Variants in KCNK2 observed in about 807,000 individuals in gnomAD.
KCNK2 encodes the protein potassium channel subfamily K member 2.
Under a neutral mutation model 40.5 loss-of-function variants are expected in KCNK2, and 21 were observed. That is an observed-to-expected ratio of 0.52 (90% CI 0.37 to 0.75). KCNK2 has a LOEUF of 0.75. Ranked by LOEUF, KCNK2 falls within the 30% of genes least tolerant of loss-of-function variation. The pLI is 0.00. For missense variants in KCNK2, 399 were observed against 531.6 expected, an observed-to-expected ratio of 0.75 and a Z score of 2.45; for synonymous variants, 191 against 202.2, an observed-to-expected ratio of 0.94 and a Z score of 0.47.
intron 3 of KCNK2, among the ~76,000 whole-genome samples, chr1:215,138,838 C>T (rs1662042756): frequency 6.6e-6 from 1 of 152,154 alleles, no homozygotes; most frequent in East Asian, 1.9e-4. Context: ...TATTTCCTGG[C>T]TGACTTTTAT....
intron 6 of KCNK2, 151 bp downstream of exon 6, chr1:215,195,243 G>A (rs1323785423): frequency 2.0e-5 from 11 of 559,300 alleles, no homozygotes; most frequent in Non-Finnish European, 2.3e-5. Context: ...TAGGCTATGA[G>A]CAAATATATG....
intron 2 of KCNK2, among the ~76,000 whole-genome samples, chr1:215,119,250 T>C (rs1432619275): frequency 6.6e-6 from 1 of 152,214 alleles, no homozygotes; most frequent in Non-Finnish European, 1.5e-5. Flanking sequence ...TAGTCCCATA[T>C]ACTTACAAGT....
chr1:215,040,858 T>C (rs1466739806), intron 1 of KCNK2, among the ~76,000 whole-genome samples: 1 of 152,158 alleles, frequency 6.6e-6, no homozygotes, highest in Non-Finnish European at 1.5e-5. Context: ...CACCACTGTT[T>C]GGGCAACATC....
intron 3 of KCNK2, among the ~76,000 whole-genome samples, chr1:215,134,934 TGAG>T (rs1357085867): frequency 6.6e-6 from 1 of 151,910 alleles, no homozygotes; most frequent in Non-Finnish European, 1.5e-5. Context: ...TATAGTATCA[TGAG>T]GAATATGAAA....
At chr1:215,216,872 G>T (rs992611686) in intron 6 of KCNK2, among the ~76,000 whole-genome samples, 1 of 152,100 alleles carries the variant, frequency 6.6e-6, no homozygotes, top group South Asian at 2.1e-4. Context: ...GCTCTGAAGC[G>T]CACAGCACAG....
chr1:215,007,053 A>G lies in KCNK2; in HGVS notation c.34+1098A>G, dbSNP rs1414548570. 2.6e-3 allele frequency among the ~76,000 whole-genome samples: 294 copies of G among 112,038 alleles called. 7 individuals are homozygous for G. The highest frequency in any genetic ancestry group is 0.015 in the South Asian group (48 of 3,288). The allele number at this position is 112,038 out of a possible 152,430, so 73.5% of individuals were successfully genotyped here. ...TATATATATATGTGTGTGTGTGTAT[A>G]TATATATGTGTGTGTGTGTATATAT... On this transcript the variant is annotated intron_variant, in intron 1 of 6. Coordinates refer to the KCNK2 transcript ENST00000391895.
chr1:215,208,494 C>A (rs1571729687), intron 6 of KCNK2, among the ~76,000 whole-genome samples: 1 of 152,174 alleles, frequency 6.6e-6, no homozygotes, highest in Non-Finnish European at 1.5e-5. Flanking sequence ...CATGCATCCC[C>A]CATCCTAAAA....
intron 6 of KCNK2, among the ~76,000 whole-genome samples, chr1:215,197,022 T>C (rs1664894551): frequency 6.6e-6 from 1 of 152,314 alleles, no homozygotes. Flanking sequence ...AAATAAACTA[T>C]GTATTATATA....
At position 215,136,543 on chromosome 1, in the gene KCNK2, A is replaced by C. The variant is rs538497119; in HGVS notation, c.475+11793A>C. ...AGGATATGCTAAGATATATTCTGTG[A>C]CAATTCCCATATCATGATGGCCTTA... On this transcript the variant is annotated intron_variant, in intron 3 of 6. Coordinates refer to ENST00000444842, the MANE Select transcript of KCNK2 (RefSeq NM_001017425.3). 1.8e-4 allele frequency among the ~76,000 whole-genome samples: 28 copies of C among 152,318 alleles called. 1 individual carries two copies. The South Asian group carries it at 5.4e-3, about 29-fold the overall frequency.
chr1:215,169,195 A>T lies in KCNK2; in HGVS notation c.476-4A>T. Reference sequence around the variant, plus strand: ...CATTTGTAAACAATGTAATTTTTTTAAAGGATTTGGAAACATCTCACCACG... The same window carrying T: ...CATTTGTAAACAATGTAATTTTTTTTAAGGATTTGGAAACATCTCACCACG... On this transcript the variant is annotated splice_region_variant and splice_polypyrimidine_tract_variant and intron_variant, in intron 3 of 6. Coordinates refer to ENST00000444842, the MANE Select transcript of KCNK2 (RefSeq NM_001017425.3). The T allele has an allele frequency of 6.3e-7, 1 of 1,583,682 alleles. No individual in the cohort carries two copies. The highest frequency in any genetic ancestry group is 8.6e-7 in the Non-Finnish European group (1 of 1,167,016).
intron 1 of KCNK2, among the ~76,000 whole-genome samples, chr1:215,028,459 A>G (rs1226534849): frequency 1.3e-5 from 2 of 152,204 alleles, no homozygotes; most frequent in Non-Finnish European, 2.9e-5. Context: ...TCTCAATTTT[A>G]TTATTATATT....
intron 6 of KCNK2, among the ~76,000 whole-genome samples, chr1:215,214,189 T>C (rs965910330): frequency 6.6e-6 from 1 of 152,130 alleles, no homozygotes; most frequent in African/African-American, 2.4e-5. Context: ...TACAGACGCA[T>C]GGCTGGGGAG....
intron 2 of KCNK2, among the ~76,000 whole-genome samples, chr1:215,109,981 G>T (rs1458938551): frequency 6.6e-6 from 1 of 152,138 alleles, no homozygotes; most frequent in South Asian, 2.1e-4. Context: ...GTGATGTTGA[G>T]CATTTTTTGT....
chr1:215,097,149 T>C (rs1660011741), intron 2 of KCNK2, among the ~76,000 whole-genome samples: 1 of 151,960 alleles, frequency 6.6e-6, no homozygotes, highest in African/African-American at 2.4e-5. Context: ...TCTTAGCTGG[T>C]GGATAATGGT....
rs1003003740 is a variant in KCNK2, at chr1:215,123,403, A to AT, written c.358-1218dup. 8.3e-4 allele frequency among the ~76,000 whole-genome samples: 120 copies of AT among 145,150 alleles called. No homozygotes were observed. The Middle Eastern group carries it at 0.011, about 13-fold the overall frequency. On this transcript the variant is annotated intron_variant, in intron 2 of 6. Transcript: ENST00000444842. ...TCTTTATGCCTTTTTGTATTTTCTT[A>AT]TTTTTTTTTTTTACAAAGATCATAT...
Position 215,049,880 on chromosome 1 carries a change from A to G in KCNK2, c.35-36488A>G, listed in dbSNP as rs150549593. ...AATCTATGTGTTTATCCTTCCATCA[A>G]TATCACCTTACCTTAATTACTATAG... is the stretch of plus-strand genomic sequence containing the variant. On this transcript the variant is annotated intron_variant, in intron 1 of 6. Transcript: ENST00000391895. Among the ~76,000 whole-genome samples, 5 of 152,206 alleles carry G rather than the reference A, an allele frequency of 3.3e-5. No individual in the cohort carries two copies. In the South Asian group the frequency reaches 6.2e-4, roughly 19 times the overall value.
intron 5 of KCNK2, among the ~76,000 whole-genome samples, chr1:215,182,946 TC>T (rs1483294726): frequency 6.6e-6 from 1 of 152,004 alleles, no homozygotes; most frequent in Non-Finnish European, 1.5e-5. Context: ...GGAAGGTGAG[TC>T]ACAGAGGGAG....
chr1:215,191,666 A>C (rs1007685235), intron 5 of KCNK2, among the ~76,000 whole-genome samples: 2 of 152,196 alleles, frequency 1.3e-5, no homozygotes, highest in Admixed American at 1.3e-4. Context: ...AGTTTATAAG[A>C]TTCCCAAAAC....
intron 5 of KCNK2, among the ~76,000 whole-genome samples, chr1:215,191,893 C>T (rs1413892773): frequency 6.6e-6 from 1 of 151,934 alleles, no homozygotes; most frequent in East Asian, 1.9e-4. Flanking sequence ...TCTCAGAAGT[C>T]TGTGGAAAGA....
Sources: allele counts gnomAD v4.1 joint callset (sites outside exome capture counted in the v4.1 genomes callset), GRCh38; gene constraint gnomAD v4.1.1; transcripts MANE v1.5; gene names NCBI Gene and HGNC (gene_info 2026-07-23, HGNC 2026-07-21).